The following HTT variants were observed in gnomAD, a reference collection of about 807,000 sequenced individuals.
HTT encodes huntington disease protein.
A neutral mutation model predicts 362.3 loss-of-function variants in HTT; 104 were observed. The ratio of observed to expected loss-of-function variants is 0.29; its 90% CI spans 0.24 to 0.34. The LOEUF (loss-of-function observed/expected upper bound fraction) is 0.34. Ranked by LOEUF, HTT falls within the 10% of genes least tolerant of loss-of-function variation. The pLI is 1.00. For synonymous variants in HTT, 1,577 were observed against 1,548.7 expected (o/e 1.02, Z -0.43); for missense variants, 3,301 against 3,928.6 (o/e 0.84, Z 4.27).
chr4:3,210,375 A>G (rs1362626007), intron 47 of HTT, among the ~76,000 whole-genome samples: 2 of 152,314 alleles, frequency 1.3e-5, no homozygotes, highest in South Asian at 2.1e-4. Context: ...ACTTCAACAC[A>G]GTGTCGTAAT....
At chr4:3,115,475 C>T (rs761995662) in intron 7 of HTT, 30 bp downstream of exon 7, 8 of 1,555,288 alleles carry the variant, frequency 5.1e-6, no homozygotes, top group Admixed American at 1.7e-5. Context: ...GTGGAAGAGT[C>T]TCCAGCATGT....
rs753687423 is a variant in HTT, at chr4:3,175,105, C to G, written c.4405C>G (p.Gln1469Glu). The change falls in exon 33 of 67, where the codon CAG becomes GAG. Residue 1469 changes from glutamine to glutamate, a missense_variant and splice_region_variant. Physicochemically the swap from Gln to Glu is conservative, Grantham distance 29. Coordinates refer to ENST00000355072, the MANE Select transcript of HTT (RefSeq NM_001388492.1). ...RVNYCLLDSD[Q>E]VFIGFVLKQF... is the part of the protein sequence containing the mutation. ...TAATTACTGTCTTCTGGATTCAGAT[C>G]AGGTTTGTCACTTTTATCTTTCATC... 2 of 1,608,966 alleles carry G rather than the reference C, an allele frequency of 1.2e-6. No individual in the cohort carries two copies. Among genetic ancestry groups the G allele is most frequent in the Non-Finnish European group, 1.7e-6 (2 of 1,178,174 alleles).
At chr4:3,132,245 G>T (rs1260761318) in intron 16 of HTT, among the ~76,000 whole-genome samples, 1 of 152,182 alleles carries the variant, frequency 6.6e-6, no homozygotes, top group East Asian at 1.9e-4. Flanking sequence ...TATGAGGTAA[G>T]TGTGTAATAG....
At chr4:3,134,324 C>T (rs1041980306) in intron 18 of HTT, 77 bp from the exon 19 acceptor site, 90 of 1,316,572 alleles carry the variant, frequency 6.8e-5, no homozygotes, top group Non-Finnish European at 8.6e-5. Flanking sequence ...TGAAGAGTGA[C>T]GGTTCTCAAA....
chr4:3,098,430 C>A (rs553852344), intron 2 of HTT, among the ~76,000 whole-genome samples: 1 of 152,248 alleles, frequency 6.6e-6, no homozygotes, highest in South Asian at 2.1e-4. Flanking sequence ...TTTGATGCTT[C>A]AAAAATAGCA....
chr4:3,131,965 A>G (rs1243962572), intron 16 of HTT, among the ~76,000 whole-genome samples, 190 bp downstream of exon 16: 2 of 152,196 alleles, frequency 1.3e-5, no homozygotes, highest in African/African-American at 4.8e-5. Flanking sequence ...CTTTAGATGA[A>G]ACCCATAGAG....
At chr4:3,216,850 C>A (rs1437703167) in intron 51 of HTT, among the ~76,000 whole-genome samples, 1 of 151,858 alleles carries the variant, frequency 6.6e-6, no homozygotes, top group East Asian at 1.9e-4. Context: ...ACGGTGAAAC[C>A]CCGTCTCTAC....
At position 3,122,875 on chromosome 4, in the gene HTT, T is replaced by C. The variant is rs1317677018; in HGVS notation, c.1274-14T>C. On this transcript the variant is annotated splice_polypyrimidine_tract_variant and intron_variant, in intron 9 of 66. Transcript: ENST00000355072. ...CAGCTTGTTACTTTATCTGTCACTT[T>C]CTGTGATTTGCAGCTGGAGGGGGTT... 2 of 1,600,166 alleles carry C rather than the reference T, an allele frequency of 1.2e-6. No individual in the cohort carries two copies. The highest frequency in any genetic ancestry group is 2.7e-5 in the African/African-American group (2 of 74,528).
At position 3,217,946 on chromosome 4, in the gene HTT, C is replaced by T. The variant is rs766463619; in HGVS notation, c.7236C>T (p.Pro2412=). The change falls in exon 52 of 67, where the codon CCC becomes CCT. Residue 2412 remains proline, a synonymous_variant. Transcript: ENST00000355072. ...LPLVNSYTRV[P]PLVWKLGWSP... is the part of the protein sequence containing the mutation. Reference sequence around the variant, plus strand: ...TTGTCAACAGCTACACACGTGTGCCCCCACTGGTGAGTCTGCTCGTTCCTT... The same window carrying T: ...TTGTCAACAGCTACACACGTGTGCCTCCACTGGTGAGTCTGCTCGTTCCTT... 7 of 1,607,734 alleles carry T rather than the reference C, an allele frequency of 4.4e-6. No homozygotes were observed. The highest frequency in any genetic ancestry group is 1.1e-5 in the South Asian group (1 of 90,388).
Position 3,166,946 on chromosome 4 carries a change from C to G in HTT, c.3865-5374C>G, listed in dbSNP as rs565045045. 1.2e-3 allele frequency among the ~76,000 whole-genome samples: 189 copies of G among 152,346 alleles called. 1 individual carries two copies. The highest frequency in any genetic ancestry group is 4.4e-3 in the African/African-American group (185 of 41,582). On this transcript the variant is annotated intron_variant, in intron 29 of 66. Transcript: ENST00000355072. ...TCGGCTTGCCCTCCGTGGGCTGCACCCACTGTCCAGCAAGTCCCAGTGAGA... is the reference window on the plus strand; with the variant it reads ...TCGGCTTGCCCTCCGTGGGCTGCACGCACTGTCCAGCAAGTCCCAGTGAGA...
chr4:3,172,637 C>T (rs907033940), intron 30 of HTT, among the ~76,000 whole-genome samples: 3 of 152,172 alleles, frequency 2.0e-5, no homozygotes, highest in Non-Finnish European at 2.9e-5. Context: ...TCTGCAACCT[C>T]GCTAGTTAAC....
At chr4:3,162,721 CTGTT>C (rs1463150659) in intron 29 of HTT, among the ~76,000 whole-genome samples, 1 of 152,140 alleles carries the variant, frequency 6.6e-6, no homozygotes, top group Non-Finnish European at 1.5e-5. Flanking sequence ...ATTTGGCTCT[CTGTT>C]TGTCTGTTAT....
intron 3 of HTT, among the ~76,000 whole-genome samples, chr4:3,099,687 G>C (rs1198935124): frequency 6.6e-6 from 1 of 150,382 alleles, no homozygotes; most frequent in African/African-American, 2.4e-5. Flanking sequence ...GTATGGTTTG[G>C]AGGTGGTCTT....
intron 35 of HTT, among the ~76,000 whole-genome samples, chr4:3,180,191 G>A (rs1718447380): frequency 6.6e-6 from 1 of 152,166 alleles, no homozygotes; most frequent in Admixed American, 6.5e-5. Context: ...GAATGTTGCT[G>A]TTTTGGTTAT....
chr4:3,207,017 A>G, intron 44 of HTT, 34 bp downstream of exon 44: 2 of 1,576,312 alleles, frequency 1.3e-6, no homozygotes, highest in East Asian at 4.5e-5. Flanking sequence ...ATTGATTTAT[A>G]TTGAAAATTT....
chr4:3,103,833 G>T lies in HTT; in HGVS notation c.478G>T (p.Asp160Tyr), dbSNP rs760587703. ...CLNKVIKALM[D>Y]SNLPRLQLEL... ...TTGTGATTTGTTGTAGGCTTTGATG[G>T]ATTCTAATCTTCCAAGGTTACAGCT... Residue 160 changes from aspartate to tyrosine, a missense_variant, in exon 4 of 67, where the codon GAT (aspartate) becomes TAT (tyrosine). By Grantham distance (160) the Asp-to-Tyr change is radical. This residue lies in a region of HTT where 2,316 missense variants were observed against 2,658.5 expected (regional missense o/e 0.87). Coordinates refer to ENST00000355072, the MANE Select transcript of HTT (RefSeq NM_001388492.1). 1.3e-6 allele frequency: 2 copies of T among 1,598,588 alleles called. No homozygotes were observed. The highest frequency in any genetic ancestry group is 1.1e-5 in the South Asian group (1 of 90,028).
chr4:3,135,815 A>G, intron 19 of HTT, 89 bp from the exon 20 acceptor site: 1 of 949,388 alleles, frequency 1.1e-6, no homozygotes, highest in South Asian at 1.8e-5. Flanking sequence ...CTTCCAGGGC[A>G]CCTGGATGAG....
chr4:3,086,966 A>G lies in HTT; in HGVS notation c.291A>G (p.Lys97=). 2.5e-6 allele frequency: 4 copies of G among 1,608,056 alleles called. No individual in the cohort carries two copies. In the South Asian group the frequency reaches 4.4e-5, roughly 18 times the overall value. ...AGAAAGAACTTTCAGCTACCAAGAA[A>G]GACCGTGTGAATCATTGTCTGACAA... ...RPKKELSATK[K]DRVNHCLTIC... Residue 97 remains lysine (K), a synonymous_variant, in exon 2 of 67, where the codon AAA becomes AAG. Coordinates refer to ENST00000355072, the MANE Select transcript of HTT (RefSeq NM_001388492.1).
chr4:3,108,398 A>AGTATG (rs532609285), intron 6 of HTT, among the ~76,000 whole-genome samples: 2,311 of 152,360 alleles, frequency 0.015, 61 homozygotes, highest in African/African-American at 0.053. Flanking sequence ...CTTCATGCTC[A>AGTATG]GTAAATGGTA....
Sources: allele counts gnomAD v4.1 joint callset (sites outside exome capture counted in the v4.1 genomes callset), GRCh38; gene constraint gnomAD v4.1.1; regional missense constraint gnomAD v4.1.1; transcripts MANE v1.5; gene names NCBI Gene and HGNC (gene_info 2026-07-23, HGNC 2026-07-21).